Variants in GALNT13 observed in about 807,000 individuals in gnomAD.
GALNT13 encodes UDP-GalNAc:polypeptide N-acetylgalactosaminyltransferase 13.
Under a neutral mutation model 64.2 loss-of-function variants are expected in GALNT13, and 28 were observed. The ratio of observed to expected loss-of-function variants is 0.44; its 90% CI spans 0.32 to 0.60. The LOEUF (loss-of-function observed/expected upper bound fraction) is 0.60, where lower values mean the gene tolerates loss of function less well. Among genes scored for constraint, GALNT13 ranks in the 20% least tolerant of loss-of-function variants. The pLI is 0.05. For synonymous variants in GALNT13, 214 were observed against 224.6 expected (o/e 0.95, Z 0.42); for missense variants, 577 against 669.8 (o/e 0.86, Z 1.53).
chr2:153,122,146 A>G, the GALNT13 span, among the ~76,000 whole-genome samples: 2 of 152,096 alleles, frequency 1.3e-5, no homozygotes, highest in Non-Finnish European at 2.9e-5. Flanking sequence ...GATTAAAAAT[A>G]ATTTTAGATT....
the GALNT13 span, among the ~76,000 whole-genome samples, chr2:153,438,800 C>T: frequency 3.3e-5 from 5 of 151,996 alleles, no homozygotes; most frequent in Non-Finnish European, 7.4e-5. Flanking sequence ...GTAGTTTGAT[C>T]TTCTGAAGCC....
the GALNT13 span, among the ~76,000 whole-genome samples, chr2:153,720,498 C>T: frequency 5.4e-4 from 82 of 151,324 alleles, no homozygotes; most frequent in African/African-American, 1.9e-3. Context: ...AGGCTTCAGA[C>T]GATCAAATTA....
chr2:153,860,045 C>A, the GALNT13 span, among the ~76,000 whole-genome samples: 2 of 151,948 alleles, frequency 1.3e-5, no homozygotes, highest in Non-Finnish European at 1.5e-5. Flanking sequence ...CTATATAATC[C>A]ACTTCTCAAT....
the GALNT13 span, among the ~76,000 whole-genome samples, chr2:153,560,339 T>C: frequency 6.6e-6 from 1 of 152,064 alleles, no homozygotes; most frequent in Admixed American, 6.5e-5. Flanking sequence ...AGGTTAATAC[T>C]TCTATGATTT....
chr2:153,126,073 G>T, the GALNT13 span, among the ~76,000 whole-genome samples: 4 of 151,134 alleles, frequency 2.6e-5, no homozygotes, highest in African/African-American at 7.3e-5. Flanking sequence ...TAAATTTATG[G>T]ATTAAATAAA....
chr2:153,512,096 G>T, the GALNT13 span, among the ~76,000 whole-genome samples: 1 of 152,114 alleles, frequency 6.6e-6, no homozygotes, highest in South Asian at 2.1e-4. Flanking sequence ...ATAACTGAAC[G>T]GGGAAGTCAT....
At chr2:153,907,380 A>C (rs934275482) in intron 2 of GALNT13, among the ~76,000 whole-genome samples, 7 of 151,882 alleles carry the variant, frequency 4.6e-5, no homozygotes, top group Non-Finnish European at 7.4e-5. Flanking sequence ...ATACATAATA[A>C]TACATACATA....
chr2:153,518,104 C>A, the GALNT13 span, among the ~76,000 whole-genome samples: 1 of 152,066 alleles, frequency 6.6e-6, no homozygotes, highest in Non-Finnish European at 1.5e-5. Flanking sequence ...ATATACTGCC[C>A]TCAACTCCAG....
chr2:153,374,071 C>T, the GALNT13 span, among the ~76,000 whole-genome samples: 16 of 152,154 alleles, frequency 1.1e-4, no homozygotes, highest in Non-Finnish European at 1.9e-4. Flanking sequence ...CTGTTTAAAA[C>T]ATTGGTGTGC....
chr2:153,896,143 A>G (rs1687880391), intron 1 of GALNT13, among the ~76,000 whole-genome samples: 1 of 133,982 alleles, frequency 7.5e-6, no homozygotes, highest in South Asian at 2.4e-4. Context: ...AACTAATTGT[A>G]TAAGGAAAAA....
chr2:153,648,843 T>G, the GALNT13 span, among the ~76,000 whole-genome samples: 2 of 152,192 alleles, frequency 1.3e-5, no homozygotes, highest in South Asian at 2.1e-4. Flanking sequence ...ATAAGCTTTT[T>G]GATGTGTTGC....
chr2:153,484,893 A>C, the GALNT13 span, among the ~76,000 whole-genome samples: 1 of 152,158 alleles, frequency 6.6e-6, no homozygotes, highest in South Asian at 2.1e-4. Flanking sequence ...GAGTTCCCCA[A>C]ACTTGCTTCC....
chr2:154,323,926 C>A (rs1309656626), intron 9 of GALNT13, among the ~76,000 whole-genome samples: 1 of 152,088 alleles, frequency 6.6e-6, no homozygotes, highest in Non-Finnish European at 1.5e-5. Flanking sequence ...CAAGTATTAT[C>A]TCCCAGGTGC....
chr2:153,521,844 C>A, the GALNT13 span, among the ~76,000 whole-genome samples: 2 of 152,038 alleles, frequency 1.3e-5, no homozygotes, highest in Admixed American at 6.5e-5. Context: ...ATTTTATGGT[C>A]CTCTGTGTCT....
chr2:153,728,267 G>A, the GALNT13 span, among the ~76,000 whole-genome samples: 1 of 152,086 alleles, frequency 6.6e-6, no homozygotes, highest in African/African-American at 2.4e-5. Flanking sequence ...CCCAGTAATG[G>A]GATTGCTGAG....
the GALNT13 span, among the ~76,000 whole-genome samples, chr2:153,439,319 T>C: frequency 6.6e-6 from 1 of 152,168 alleles, no homozygotes; most frequent in African/African-American, 2.4e-5. Context: ...AGCTGCGTGC[T>C]GGGAGAACCA....
At chr2:153,256,988 A>G in the GALNT13 span, among the ~76,000 whole-genome samples, 1 of 152,182 alleles carries the variant, frequency 6.6e-6, no homozygotes, top group Non-Finnish European at 1.5e-5. Flanking sequence ...ACCCAGTTCG[A>G]GCTTCCCGGC....
the GALNT13 span, among the ~76,000 whole-genome samples, chr2:153,281,330 T>G: frequency 1.3e-5 from 2 of 152,100 alleles, no homozygotes; most frequent in Non-Finnish European, 2.9e-5. Flanking sequence ...GTTTTTTTTT[T>G]TAATCCAACT....
At chr2:153,603,554 C>G in the GALNT13 span, among the ~76,000 whole-genome samples, 1 of 151,912 alleles carries the variant, frequency 6.6e-6, no homozygotes, top group Non-Finnish European at 1.5e-5. Flanking sequence ...GTATTATCTA[C>G]AGAGTAATAA....
Sources: allele counts gnomAD v4.1 joint callset (sites outside exome capture counted in the v4.1 genomes callset), GRCh38; gene constraint gnomAD v4.1.1; transcripts MANE v1.5; gene names NCBI Gene and HGNC (gene_info 2026-07-23, HGNC 2026-07-21).